The following ZNF804A variants were observed in gnomAD, a reference collection of about 807,000 sequenced individuals.
ZNF804A encodes zinc finger protein 804A.
ZNF804A carries 2 observed loss-of-function variants against 16.5 expected under a neutral mutation model. The ratio of observed to expected loss-of-function variants is 0.12; its 90% confidence interval spans 0.05 to 0.38. ZNF804A has a LOEUF of 0.38. Among genes scored for constraint, ZNF804A ranks in the 10% least tolerant of loss-of-function variants. ZNF804A has a pLI of 0.99. For synonymous variants in ZNF804A, 534 were observed against 489.6 expected, an observed-to-expected ratio of 1.09 and a Z score of -1.20; for missense variants, 1,473 against 1,390.7, an observed-to-expected ratio of 1.06 and a Z score of -0.94.
chr2:184,746,989 T>C (rs148891447), intron 1 of ZNF804A, among the ~76,000 whole-genome samples: 4 of 151,516 alleles, frequency 2.6e-5, no homozygotes, highest in African/African-American at 9.6e-5. Context: ...CATGTTTTAC[T>C]TGAAGCTCTG....
chr2:184,936,007 C>T lies in ZNF804A; in HGVS notation c.611C>T (p.Ala204Val), dbSNP rs775558061. 2 of 1,614,026 alleles carry T rather than the reference C, an allele frequency of 1.2e-6. No homozygotes were observed. The highest frequency in any genetic ancestry group is 1.1e-5 in the South Asian group (1 of 91,086). Residue 204 changes from alanine (A) to valine (V), a missense_variant, in exon 4 of 4, where the codon GCC (alanine) becomes GTC (valine). Coordinates refer to ENST00000302277, the MANE Select transcript of ZNF804A (RefSeq NM_194250.2). Reference sequence around the variant, plus strand: ...AAAAATAACCAAGTTGGGGATCAAGCCCAGGGGATTCACAGACACAAAATC... The same window carrying T: ...AAAAATAACCAAGTTGGGGATCAAGTCCAGGGGATTCACAGACACAAAATC... ...TAKNNQVGDQ[A>V]QGIHRHKIGF... is the part of the protein sequence containing the mutation.
At chr2:184,824,603 T>C (rs1400259631) in intron 1 of ZNF804A, among the ~76,000 whole-genome samples, 1 of 152,208 alleles carries the variant, frequency 6.6e-6, no homozygotes. Context: ...CTTATTACTA[T>C]TTCTGCCTAA....
chr2:184,796,287 G>C (rs1428470007), intron 1 of ZNF804A, among the ~76,000 whole-genome samples: 1 of 152,030 alleles, frequency 6.6e-6, no homozygotes, highest in Non-Finnish European at 1.5e-5. Flanking sequence ...GTGTCAATAG[G>C]ATTAGTACCA....
rs1694280815 is a variant in ZNF804A, at chr2:184,776,019, C to T, written c.112-90350C>T. Among the ~76,000 whole-genome samples the T allele has an allele frequency of 2.0e-5, 3 of 151,632 alleles. No homozygotes were observed. The South Asian group carries it at 6.2e-4, about 31-fold the overall frequency. The stretch of plus-strand genomic sequence containing the variant: ...AACTGATAGAGCTAGAAACATTTAT[C>T]TTTCTACAAGTATTTACTAAGCACC... On this transcript the variant is annotated intron_variant, in intron 1 of 3. Transcript: ENST00000302277.
At chr2:184,931,687 T>C (rs2105841613) in intron 2 of ZNF804A, among the ~76,000 whole-genome samples, 1 of 152,314 alleles carries the variant, frequency 6.6e-6, no homozygotes, top group East Asian at 1.9e-4. Context: ...AGTGTCTTGG[T>C]CATTAACATT....
intron 2 of ZNF804A, among the ~76,000 whole-genome samples, chr2:184,880,468 T>TA (rs553711763): frequency 3.3e-5 from 5 of 151,288 alleles, no homozygotes; most frequent in South Asian, 4.2e-4. Context: ...ACACATTTTT[T>TA]AAAAAAAAAT....
chr2:184,604,764 C>T (rs1574127655), intron 1 of ZNF804A, among the ~76,000 whole-genome samples: 2 of 152,214 alleles, frequency 1.3e-5, no homozygotes, highest in East Asian at 3.9e-4. Flanking sequence ...CCGAAGTTTA[C>T]CTATGTGGAG....
chr2:184,643,433 T>C (rs774521661), intron 1 of ZNF804A, among the ~76,000 whole-genome samples: 4 of 151,958 alleles, frequency 2.6e-5, no homozygotes, highest in Non-Finnish European at 5.9e-5. Flanking sequence ...AAATTTGCTT[T>C]GAAAAATTAA....
At chr2:184,819,650 A>C (rs564418648) in intron 1 of ZNF804A, among the ~76,000 whole-genome samples, 1 of 151,814 alleles carries the variant, frequency 6.6e-6, no homozygotes, top group Non-Finnish European at 1.5e-5. Context: ...AAAAAAAAAA[A>C]TTTAATAAAA....
chr2:184,621,542 T>C (rs1453768344), intron 1 of ZNF804A, among the ~76,000 whole-genome samples: 1 of 151,750 alleles, frequency 6.6e-6, no homozygotes, highest in African/African-American at 2.4e-5. Flanking sequence ...TATTCATTTA[T>C]TTCTATATTT....
At chr2:184,670,569 A>G (rs1692325572) in intron 1 of ZNF804A, among the ~76,000 whole-genome samples, 1 of 152,108 alleles carries the variant, frequency 6.6e-6, no homozygotes, top group African/African-American at 2.4e-5. Flanking sequence ...CTAGTGAGTT[A>G]TTTAAATGAC....
intron 2 of ZNF804A, among the ~76,000 whole-genome samples, chr2:184,890,896 T>C (rs1684970519): frequency 6.6e-6 from 1 of 151,508 alleles, no homozygotes; most frequent in Non-Finnish European, 1.5e-5. Context: ...GTCAAATATA[T>C]GTATTACATA....
At chr2:184,815,007 A>G (rs1694960242) in intron 1 of ZNF804A, among the ~76,000 whole-genome samples, 1 of 152,036 alleles carries the variant, frequency 6.6e-6, no homozygotes, top group Non-Finnish European at 1.5e-5. Flanking sequence ...TTACAAGAAT[A>G]TCTTCTTTAT....
chr2:184,766,480 A>G (rs1694128825), intron 1 of ZNF804A, among the ~76,000 whole-genome samples: 1 of 152,018 alleles, frequency 6.6e-6, no homozygotes, highest in Non-Finnish European at 1.5e-5. Flanking sequence ...TAAAGAGTCT[A>G]ATTGAGGCTT....
chr2:184,697,478 C>T (rs923656178), intron 1 of ZNF804A, among the ~76,000 whole-genome samples: 3 of 151,830 alleles, frequency 2.0e-5, no homozygotes, highest in African/African-American at 4.8e-5. Context: ...ATTGCTAATC[C>T]TATAATTTGA....
At chr2:184,806,067 A>G (rs1694796525) in intron 1 of ZNF804A, among the ~76,000 whole-genome samples, 2 of 151,966 alleles carry the variant, frequency 1.3e-5, no homozygotes, top group South Asian at 4.1e-4. Context: ...AAAAAAATCC[A>G]CTTTGTTTCC....
intron 1 of ZNF804A, among the ~76,000 whole-genome samples, chr2:184,606,937 T>C (rs1480514464): frequency 1.3e-5 from 2 of 152,220 alleles, no homozygotes; most frequent in Non-Finnish European, 2.9e-5. Flanking sequence ...TTATAATATT[T>C]CTTTTATAAT....
intron 1 of ZNF804A, among the ~76,000 whole-genome samples, chr2:184,744,827 G>A (rs183617181): frequency 2.6e-4 from 40 of 151,732 alleles, no homozygotes; most frequent in African/African-American, 8.9e-4. Context: ...ACAACTATCC[G>A]TATAAATATG....
intron 1 of ZNF804A, among the ~76,000 whole-genome samples, chr2:184,865,121 C>G (rs1358824228): frequency 6.6e-6 from 1 of 151,940 alleles, no homozygotes; most frequent in Non-Finnish European, 1.5e-5. Context: ...CTCAAGTGAT[C>G]CACATGCCTG....
Sources: allele counts gnomAD v4.1 joint callset (sites outside exome capture counted in the v4.1 genomes callset), GRCh38; gene constraint gnomAD v4.1.1; transcripts MANE v1.5; gene names NCBI Gene and HGNC (gene_info 2026-07-23, HGNC 2026-07-21).